SYT1: variants seen among roughly 807,000 people sequenced by gnomAD.
SYT1 encodes the protein synaptotagmin-1.
A neutral mutation model predicts 44.8 loss-of-function variants in SYT1; 8 were observed. The ratio of observed to expected loss-of-function variants is 0.18; its 90% CI spans 0.10 to 0.32. The LOEUF is 0.32. SYT1 is among the 10% of genes least tolerant of loss of function. The pLI, the probability that SYT1 is intolerant of heterozygous loss-of-function variation, is 1.00. For missense variants in SYT1, 286 were observed against 509.3 expected, an observed-to-expected ratio of 0.56 and a Z score of 4.22; for synonymous variants, 154 against 188.8, an observed-to-expected ratio of 0.82 and a Z score of 1.51.
intron 3 of SYT1, among the ~76,000 whole-genome samples, chr12:79,160,705 A>T (rs1342712928): frequency 1.3e-5 from 2 of 152,132 alleles, no homozygotes; most frequent in Non-Finnish European, 2.9e-5. Context: ...ATAGTTGAAA[A>T]TGTGGTCTAT....
intron 8 of SYT1, among the ~76,000 whole-genome samples, chr12:79,308,581 G>T (rs1159498055): frequency 8.3e-6 from 1 of 120,068 alleles, no homozygotes; most frequent in Non-Finnish European, 1.7e-5. Context: ...AAGAAAAGAA[G>T]GAAAAGAAAG....
chr12:79,052,410 A>T (rs190961593), intron 3 of SYT1, among the ~76,000 whole-genome samples: 1 of 152,320 alleles, frequency 6.6e-6, no homozygotes, highest in Admixed American at 6.5e-5. Context: ...ACCCTAGAAG[A>T]AAACCTAGAC....
Position 79,217,580 on chromosome 12 carries a change from G to C in SYT1, c.61G>C (p.Val21Leu), listed in dbSNP as rs1161190060. Residue 21 changes from valine (V) to leucine (L), a missense_variant, in exon 4 of 11, where the codon GTT (valine) becomes CTT (leucine). Physicochemically the swap from Val to Leu is conservative, Grantham distance 32. This residue lies in a region of SYT1 where 141 missense variants were observed against 165.7 expected (regional missense o/e 0.85). Coordinates refer to ENST00000261205, the MANE Select transcript of SYT1 (RefSeq NM_005639.3). Reference protein sequence around the residue: ...AAPPVTTVATVLPSNATEPAS... With the variant: ...AAPPVTTVATLLPSNATEPAS... The stretch of plus-strand genomic sequence containing the variant: ...CCCGCCTGTCACCACTGTCGCGACT[G>C]TTCTGCCAAGCAACGCCACAGAGCC... 12 of 1,612,852 alleles carry C rather than the reference G, an allele frequency of 7.4e-6. No individual in the cohort carries two copies. The highest frequency in any genetic ancestry group is 1.0e-5 in the Non-Finnish European group (12 of 1,179,534).
intron 3 of SYT1, among the ~76,000 whole-genome samples, chr12:79,080,401 T>G (rs1206517932): frequency 1.3e-5 from 2 of 152,162 alleles, no homozygotes; most frequent in African/African-American, 4.8e-5. Context: ...AAAACAGATT[T>G]AATGATTATT....
intron 6 of SYT1, among the ~76,000 whole-genome samples, chr12:79,292,940 C>T (rs1470189132): frequency 6.6e-6 from 1 of 152,052 alleles, no homozygotes; most frequent in South Asian, 2.1e-4. Flanking sequence ...ATGTTCCTCA[C>T]CTTCTGAATT....
At chr12:79,043,439 G>C (rs1476897157) in intron 2 of SYT1, among the ~76,000 whole-genome samples, 3 of 147,420 alleles carry the variant, frequency 2.0e-5, no homozygotes, top group Non-Finnish European at 4.5e-5. Flanking sequence ...TCAGAGACTA[G>C]GATTGCAACC....
chr12:78,954,981 C>A (rs1879137049), intron 1 of SYT1, among the ~76,000 whole-genome samples: 1 of 152,062 alleles, frequency 6.6e-6, no homozygotes, highest in Admixed American at 6.6e-5. Flanking sequence ...TAATCAAAAT[C>A]TTTTTCTGAA....
intron 1 of SYT1, among the ~76,000 whole-genome samples, chr12:78,894,877 T>C (rs1000427830): frequency 6.6e-6 from 1 of 151,662 alleles, no homozygotes; most frequent in Non-Finnish European, 1.5e-5. Context: ...TAGCAGTATA[T>C]TGTATACTTG....
chr12:79,238,408 A>G (rs1298252470), intron 4 of SYT1, among the ~76,000 whole-genome samples: 1 of 152,204 alleles, frequency 6.6e-6, no homozygotes, highest in Non-Finnish European at 1.5e-5. Flanking sequence ...AAAGAGGGCC[A>G]GTGGATTTAG....
chr12:79,259,467 C>T (rs1272648327), intron 4 of SYT1, among the ~76,000 whole-genome samples: 2 of 152,196 alleles, frequency 1.3e-5, no homozygotes, highest in East Asian at 1.9e-4. Flanking sequence ...GATGTGGTGG[C>T]TCATGCCTAT....
intron 1 of SYT1, among the ~76,000 whole-genome samples, chr12:78,925,480 T>C (rs1877250681): frequency 6.6e-6 from 1 of 151,896 alleles, no homozygotes; most frequent in South Asian, 2.1e-4. Context: ...TCTGTTCATG[T>C]TTTTGTTTTA....
Position 78,904,768 on chromosome 12 carries a change from A to G in SYT1, c.-217+39659A>G, listed in dbSNP as rs543155144. On this transcript the variant is annotated intron_variant, in intron 1 of 10. Coordinates refer to ENST00000261205, the MANE Select transcript of SYT1 (RefSeq NM_005639.3). ...ACAAGTGGACATTCTTAGTGTTCTA[A>G]TAACATACATACAATTTTAACCTGA... Among the ~76,000 whole-genome samples, 42 of 152,288 alleles carry G rather than the reference A, an allele frequency of 2.8e-4. No homozygotes were observed. In the South Asian group the frequency reaches 6.2e-3, roughly 23 times the overall value.
At chr12:79,268,703 T>C (rs980594163) in intron 4 of SYT1, among the ~76,000 whole-genome samples, 1 of 152,178 alleles carries the variant, frequency 6.6e-6, no homozygotes, top group African/African-American at 2.4e-5. Context: ...AATAGAGCTA[T>C]GTGGGAGGAG....
intron 9 of SYT1, among the ~76,000 whole-genome samples, chr12:79,415,398 A>G (rs1013936630): frequency 9.2e-5 from 14 of 152,204 alleles, no homozygotes; most frequent in African/African-American, 3.1e-4. Flanking sequence ...TCTGGTTGGA[A>G]AGATGGTCTT....
rs569896169 is a variant in SYT1 at position 79,289,157 on chromosome 12, T to C, written c.352-2851T>C. Among the ~76,000 whole-genome samples, 5 of 152,324 alleles carry C rather than the reference T, an allele frequency of 3.3e-5. No homozygotes were observed. In the East Asian group the frequency reaches 9.6e-4, roughly 29 times the overall value. ...AATGAACAAATGCTCCTTTTGATGGTTGCAAACAAAGCACCTGTTGAATGT... is the reference window on the plus strand; with the variant it reads ...AATGAACAAATGCTCCTTTTGATGGCTGCAAACAAAGCACCTGTTGAATGT... On this transcript the variant is annotated intron_variant, in intron 5 of 10. Coordinates refer to ENST00000261205, the MANE Select transcript of SYT1 (RefSeq NM_005639.3).
At chr12:79,300,714 A>T (rs1880094374) in intron 8 of SYT1, among the ~76,000 whole-genome samples, 1 of 149,618 alleles carries the variant, frequency 6.7e-6, no homozygotes. Context: ...TTTGGAAAAA[A>T]GTATGTATAC....
chr12:78,870,935 G>A (rs988395710), intron 1 of SYT1, among the ~76,000 whole-genome samples: 4 of 152,018 alleles, frequency 2.6e-5, no homozygotes, highest in South Asian at 2.1e-4. Context: ...TTTAAAATGC[G>A]ATACTGAATC....
intron 3 of SYT1, among the ~76,000 whole-genome samples, chr12:79,108,603 A>T (rs960651772): frequency 6.6e-6 from 1 of 152,200 alleles, no homozygotes; most frequent in East Asian, 1.9e-4. Flanking sequence ...TTGCTGAATC[A>T]TAATGCATTT....
intron 1 of SYT1, among the ~76,000 whole-genome samples, chr12:78,885,201 G>C (rs546410832): frequency 1.5e-3 from 232 of 151,350 alleles, no homozygotes; most frequent in African/African-American, 5.5e-3. Context: ...TTCAGTGGGG[G>C]CAGAAAAATA....
Sources: allele counts gnomAD v4.1 joint callset (sites outside exome capture counted in the v4.1 genomes callset), GRCh38; gene constraint gnomAD v4.1.1; regional missense constraint gnomAD v4.1.1; transcripts MANE v1.5; gene names NCBI Gene and HGNC (gene_info 2026-07-23, HGNC 2026-07-21).